The following RALYL variants were observed in gnomAD, a reference collection of about 807,000 sequenced individuals.
RALYL encodes RNA-binding Raly-like protein.
In RALYL, 29 loss-of-function variants were observed where a neutral mutation model predicts 35.1. The ratio of observed to expected loss-of-function variants is 0.83; its 90% CI spans 0.61 to 1.13. The LOEUF is 1.13. RALYL is among the 50% of genes most tolerant of loss of function. The pLI is 0.00. For synonymous variants in RALYL, 120 were observed against 127.6 expected (o/e 0.94, Z 0.40); for missense variants, 359 against 360.4 (o/e 1.00, Z 0.03).
chr8:84,346,134 A>G (rs917248014), intron 1 of RALYL: 26 of 893,454 alleles, frequency 2.9e-5, no homozygotes, highest in Non-Finnish European at 3.5e-5. Context: ...GCCCTTGGCG[A>G]GGTGCCTGGC....
intron 1 of RALYL, among the ~76,000 whole-genome samples, chr8:84,403,677 G>A (rs1331887992): frequency 6.6e-6 from 1 of 151,320 alleles, no homozygotes; most frequent in Admixed American, 6.6e-5. Context: ...CTCTTTTTTG[G>A]TTCCATATGA....
intron 1 of RALYL, among the ~76,000 whole-genome samples, chr8:84,204,729 A>G (rs1817676045): frequency 6.6e-6 from 1 of 152,180 alleles, no homozygotes; most frequent in African/African-American, 2.4e-5. Context: ...GCTGTCTCCA[A>G]TTTCATTATA....
intron 2 of RALYL, among the ~76,000 whole-genome samples, chr8:84,773,244 C>T (rs1174592096): frequency 6.6e-6 from 1 of 152,138 alleles, no homozygotes; most frequent in African/African-American, 2.4e-5. Flanking sequence ...CTTCAAATCC[C>T]TTACTTTCTT....
At chr8:84,273,163 T>C (rs1218879034) in intron 1 of RALYL, among the ~76,000 whole-genome samples, 4 of 152,248 alleles carry the variant, frequency 2.6e-5, no homozygotes, top group African/African-American at 7.2e-5. Flanking sequence ...CAACCACTTA[T>C]TGTCTTACAG....
Position 84,385,449 on chromosome 8 carries a change from T to C in RALYL, c.-23-143850T>C, listed in dbSNP as rs552794186. Among the ~76,000 whole-genome samples, 3 of 151,944 alleles carry C rather than the reference T, an allele frequency of 2.0e-5. No individual in the cohort carries two copies. In the South Asian group the frequency reaches 6.2e-4, roughly 32 times the overall value. ...TAAATATGATACTTACTTCATCTAATGTGTGAGGGATAGTTTTAGAACAAA... is the reference window on the plus strand; with the variant it reads ...TAAATATGATACTTACTTCATCTAACGTGTGAGGGATAGTTTTAGAACAAA... On this transcript the variant is annotated intron_variant, in intron 1 of 8. Transcript: ENST00000521268.
chr8:84,764,108 C>G (rs1242540404), intron 2 of RALYL, among the ~76,000 whole-genome samples: 1 of 152,140 alleles, frequency 6.6e-6, no homozygotes, highest in African/African-American at 2.4e-5. Flanking sequence ...GAATCTGTGT[C>G]TTGGGAAGAA....
intron 2 of RALYL, among the ~76,000 whole-genome samples, chr8:84,649,329 G>A (rs926573120): frequency 6.6e-6 from 1 of 152,022 alleles, no homozygotes; most frequent in South Asian, 2.1e-4. Flanking sequence ...CATTGCTTTT[G>A]GTGTTTTAGA....
intron 2 of RALYL, among the ~76,000 whole-genome samples, chr8:84,650,240 G>T (rs1828440693): frequency 6.6e-6 from 1 of 152,044 alleles, no homozygotes; most frequent in Admixed American, 6.6e-5. Flanking sequence ...GGGACAATTT[G>T]ACTTCCTCTT....
rs952951100 is a variant in RALYL, at chr8:84,420,145, A to T, written c.-23-109154A>T. 8.8e-3 allele frequency among the ~76,000 whole-genome samples: 1,334 copies of T among 151,876 alleles called. 30 individuals are homozygous for T. Among genetic ancestry groups the T allele is most frequent in the African/African-American group, 0.03 (1,248 of 41,392 alleles). ...CACTGACTTCCACAATGGTTGAACT[A>T]GTTTACAGTCCCAGCAACAGTGTAA... On this transcript the variant is annotated intron_variant, in intron 1 of 8. Transcript: ENST00000521268.
intron 4 of RALYL, among the ~76,000 whole-genome samples, chr8:84,830,291 A>C (rs1013506344): frequency 6.6e-6 from 1 of 152,158 alleles, no homozygotes; most frequent in Non-Finnish European, 1.5e-5. Context: ...TCCATGAATA[A>C]TGAGAATCAA....
At chr8:84,835,047 G>GTC in intron 4 of RALYL, among the ~76,000 whole-genome samples, 1 of 152,250 alleles carries the variant, frequency 6.6e-6, no homozygotes, top group East Asian at 1.9e-4. Context: ...ATGGATCATA[G>GTC]TCTACAGGAT....
intron 2 of RALYL, among the ~76,000 whole-genome samples, chr8:84,607,805 G>A (rs1285928779): frequency 1.3e-5 from 2 of 151,876 alleles, no homozygotes; most frequent in Non-Finnish European, 2.9e-5. Context: ...AACCCTCTGG[G>A]GTCAAGGTTC....
chr8:84,753,391 A>G (rs1483890947), intron 2 of RALYL, among the ~76,000 whole-genome samples: 1 of 152,184 alleles, frequency 6.6e-6, no homozygotes, highest in African/African-American at 2.4e-5. Flanking sequence ...AGTTAATGCT[A>G]GAATGGGTTA....
In RALYL at chr8:84,884,158, G is replaced by A. The variant is rs183729954; in HGVS notation, c.686-3446G>A. 1.9e-3 allele frequency among the ~76,000 whole-genome samples: 290 copies of A among 152,082 alleles called. 3 individuals carry two copies. Among genetic ancestry groups the A allele is most frequent in the Non-Finnish European group, 2.9e-3 (195 of 67,952 alleles). ...TGTGCCTTTCAGTTTACTAAAGATCGACCTCTGTATCATCCTTTTTGAGTG... is the reference window on the plus strand; with the variant it reads ...TGTGCCTTTCAGTTTACTAAAGATCAACCTCTGTATCATCCTTTTTGAGTG... On this transcript the variant is annotated intron_variant, in intron 7 of 8. Transcript: ENST00000521268.
intron 1 of RALYL, among the ~76,000 whole-genome samples, chr8:84,316,849 C>A (rs1843853197): frequency 6.6e-6 from 1 of 152,100 alleles, no homozygotes; most frequent in Non-Finnish European, 1.5e-5. Flanking sequence ...AATAAAACAT[C>A]ATTTGAAGTC....
At chr8:84,732,385 C>T (rs1401111995) in intron 2 of RALYL, among the ~76,000 whole-genome samples, 1 of 152,002 alleles carries the variant, frequency 6.6e-6, no homozygotes, top group Non-Finnish European at 1.5e-5. Flanking sequence ...CCACAAGCTT[C>T]TCTTTTTCCA....
At chr8:84,836,288 A>C (rs904546126) in intron 4 of RALYL, among the ~76,000 whole-genome samples, 2 of 152,190 alleles carry the variant, frequency 1.3e-5, no homozygotes, top group African/African-American at 4.8e-5. Flanking sequence ...AACTTGACTC[A>C]CAGCAAGCAA....
rs543623963 is a variant in RALYL, at chr8:84,470,681, G to A, written c.-23-58618G>A. Among the ~76,000 whole-genome samples, 4 of 152,264 alleles carry A rather than the reference G, an allele frequency of 2.6e-5. No homozygotes were observed. The South Asian group carries it at 8.3e-4, about 32-fold the overall frequency. ...CCAGTGACTTCTAAATGGTCTTGTG[G>A]AGTAGCTCTTATGATATGCCAGCAG... On this transcript the variant is annotated intron_variant, in intron 1 of 8. Coordinates refer to ENST00000521268, the MANE Select transcript of RALYL (RefSeq NM_173848.7).
At chr8:84,841,560 G>T (rs1053114631) in intron 4 of RALYL, among the ~76,000 whole-genome samples, 15 of 152,060 alleles carry the variant, frequency 9.9e-5, no homozygotes, top group African/African-American at 3.6e-4. Flanking sequence ...ACAGATCAAC[G>T]AGACAGAAAG....
Sources: gnomAD v4.1 joint callset for allele counts (sites outside exome capture counted in the v4.1 genomes callset) on GRCh38, gnomAD v4.1.1 for gene constraint, MANE v1.5 for transcripts, NCBI Gene and HGNC (gene_info 2026-07-23, HGNC 2026-07-21) for gene names.